The following ZNF783 variants were observed in gnomAD, a reference collection of about 807,000 sequenced individuals.
The protein encoded by ZNF783 is zinc finger protein 783.
Under a neutral mutation model 31.3 loss-of-function variants are expected in ZNF783, and 25 were observed. The observed-to-expected ratio is 0.80, with a 90% CI of 0.58 to 1.11. The LOEUF (loss-of-function observed/expected upper bound fraction) is 1.11, where lower values mean the gene tolerates loss of function less well. Ranked by LOEUF, ZNF783 falls within the 50% of genes most tolerant of loss-of-function variation. ZNF783 has a pLI of 0.00. For missense variants in ZNF783, 797 were observed against 760.0 expected (o/e 1.05, Z -0.57); for synonymous variants, 369 against 319.1 (o/e 1.16, Z -1.66).
rs1797537097 is a variant in ZNF783, at chr7:149,283,674, G to A, written c.*1331G>A. 1.3e-5 allele frequency: 2 copies of A among 152,228 alleles called. No individual in the cohort carries two copies. The highest frequency in any genetic ancestry group is 4.1e-4 in the South Asian group (2 of 4,832). 9.4% of individuals were successfully genotyped at this position (152,228 alleles called of 1,614,324 possible). A position where few individuals can be genotyped will look rare whatever the true frequency, so the allele number is the denominator to read the frequency against. Reference sequence around the variant, plus strand: ...TTCTCCCTTGAGCACTTTGGGCTCTGGGGCAGAGTTGGGCTAGGAGATCTG... The same window carrying A: ...TTCTCCCTTGAGCACTTTGGGCTCTAGGGCAGAGTTGGGCTAGGAGATCTG... On this transcript the variant is annotated 3_prime_UTR_variant, in exon 6 of 6. Transcript: ENST00000434415.
rs565407559 is a variant in ZNF783, at chr7:149,281,988, G to A, written c.1286G>A (p.Arg429Gln). The A allele has an allele frequency of 6.3e-6, 10 of 1,576,702 alleles. No homozygotes were observed. The African/African-American group carries it at 1.1e-4, about 17-fold the overall frequency. The change falls in exon 6 of 6, where the codon CGG becomes CAG. Residue 429 changes from arginine (R) to glutamine (Q), a missense_variant. Transcript: ENST00000434415. ...VAGGRALVGRRPAASKMYHCS... is the reference protein window; with the variant it reads ...VAGGRALVGRQPAASKMYHCS... The stretch of plus-strand genomic sequence containing the variant: ...GGGGGCCGTGCCTTGGTGGGGCGGC[G>A]GCCTGCAGCCAGCAAGATGTACCAC...
At chr7:149,281,393 C>G in intron 5 of ZNF783, 112 bp from the exon 6 acceptor site, 1 of 885,086 alleles carries the variant, frequency 1.1e-6, no homozygotes, top group Non-Finnish European at 1.6e-6. Flanking sequence ...GTGCTGTGAG[C>G]ACTGTGGGGA....
At chr7:149,269,047 AACTT>A (rs1387727029) in intron 4 of ZNF783, among the ~76,000 whole-genome samples, 2 of 152,212 alleles carry the variant, frequency 1.3e-5, no homozygotes, top group African/African-American at 4.8e-5. Flanking sequence ...TGGCTGAACT[AACTT>A]ACATTCCCAT....
In ZNF783 at chr7:149,278,607, A is replaced by G. The variant is rs968273377; in HGVS notation, c.802+80A>G. Reference sequence around the variant, plus strand: ...TCACCAAGCGATGGTGCTGAGGAAAAGCCCTGGAAGCATGGGGCTGGGAGA... The same window carrying G: ...TCACCAAGCGATGGTGCTGAGGAAAGGCCCTGGAAGCATGGGGCTGGGAGA... On this transcript the variant is annotated intron_variant, in intron 5 of 5. Transcript: ENST00000434415. 3.8e-6 allele frequency: 6 copies of G among 1,573,486 alleles called. No homozygotes were observed. The African/African-American group carries it at 8.1e-5, about 21-fold the overall frequency.
Position 149,266,335 on chromosome 7 carries a change from G to A in ZNF783, c.25G>A (p.Asp9Asn). Residue 9 changes from aspartate to asparagine, a missense_variant and splice_region_variant, in exon 2 of 6, where the codon GAC becomes AAC. Asp to Asn is a conservative substitution (Grantham distance 23, BLOSUM62 1). Transcript: ENST00000434415. The stretch of plus-strand genomic sequence containing the variant: ...CTCTCTTTTCTCTTCTTGTGAGCAG[G>A]ACCCCGAGACAGACAAGCACACAGA... The part of the protein sequence containing the change: MAEAAPAR[D>N]PETDKHTEDQ... 1 of 1,557,848 alleles carries A rather than the reference G, an allele frequency of 6.4e-7. No homozygotes were observed. Among genetic ancestry groups the A allele is most frequent in the South Asian group, 1.2e-5 (1 of 86,052 alleles).
chr7:149,264,663 A>G (rs1470528786), intron 1 of ZNF783, among the ~76,000 whole-genome samples: 5 of 152,100 alleles, frequency 3.3e-5, no homozygotes, highest in Admixed American at 3.3e-4. Flanking sequence ...TCACAAGGTC[A>G]GGAGTTTGAG....
chr7:149,279,210 G>T (rs1797402208), intron 5 of ZNF783, among the ~76,000 whole-genome samples: 1 of 152,196 alleles, frequency 6.6e-6, no homozygotes, highest in Non-Finnish European at 1.5e-5. Context: ...CCCTTCCCTG[G>T]GTTTCTCTTT....
Position 149,266,497 on chromosome 7 carries a change from C to A in ZNF783, c.187C>A (p.Arg63Ser). The change falls in exon 2 of 6, where the codon CGC (arginine) becomes AGC (serine). Residue 63 changes from arginine (R) to serine (S), a missense_variant. Transcript: ENST00000434415. The part of the protein sequence containing the change: ...LEKKVDSCLT[R>S]LLTLEGRTGT... The stretch of plus-strand genomic sequence containing the variant: ...GAAGAAGGTGGATTCCTGCCTGACC[C>A]GCTTGCTGACTCTGGAGGGGCGCAC... 6.2e-7 allele frequency: 1 copy of A among 1,613,626 alleles called. No homozygotes were observed. The highest frequency in any genetic ancestry group is 8.5e-7 in the Non-Finnish European group (1 of 1,180,014).
chr7:149,263,327 T>A (rs868489384), intron 1 of ZNF783, among the ~76,000 whole-genome samples: 1 of 147,248 alleles, frequency 6.8e-6, no homozygotes, highest in South Asian at 2.1e-4. Context: ...TATATATATT[T>A]TTTTTTTAGA....
At chr7:149,266,780 G>C in intron 2 of ZNF783, 39 bp from the exon 3 acceptor site, 5 of 1,613,860 alleles carry the variant, frequency 3.1e-6, no homozygotes, top group Non-Finnish European at 4.2e-6. Context: ...CTGAGCCTGT[G>C]AGCGTGTGGG....
intron 1 of ZNF783, among the ~76,000 whole-genome samples, chr7:149,264,980 G>T (rs1025997312): frequency 2.0e-5 from 3 of 151,698 alleles, no homozygotes; most frequent in Non-Finnish European, 4.4e-5. Flanking sequence ...AAGGCTGGAA[G>T]TGGGGGAGAA....
chr7:149,271,303 A>G (rs549807488), intron 4 of ZNF783, among the ~76,000 whole-genome samples: 10 of 152,184 alleles, frequency 6.6e-5, no homozygotes, highest in Non-Finnish European at 1.3e-4. Context: ...TCTCAACGAA[A>G]TTTGCATAAT....
chr7:149,278,609 C>T (rs1797388851), intron 5 of ZNF783, 82 bp downstream of exon 5: 4 of 1,573,044 alleles, frequency 2.5e-6, no homozygotes, highest in Non-Finnish European at 3.4e-6. Flanking sequence ...TGAGGAAAAG[C>T]CCTGGAAGCA....
intron 1 of ZNF783, 36 bp downstream of exon 1, chr7:149,262,393 C>T (rs1388500713): frequency 1.6e-6 from 2 of 1,223,992 alleles, no homozygotes; most frequent in Non-Finnish European, 2.0e-6. Flanking sequence ...CCCGGAAGGC[C>T]CAGGCCGCCG....
At chr7:149,279,791 T>TCA (rs1234826444) in intron 5 of ZNF783, among the ~76,000 whole-genome samples, 2 of 151,226 alleles carry the variant, frequency 1.3e-5, no homozygotes, top group Non-Finnish European at 3.0e-5. Flanking sequence ...GGGGGTAAGG[T>TCA]CACCGATCAA....
At position 149,266,436 on chromosome 7, in the gene ZNF783, A is replaced by G; in HGVS notation, c.126A>G (p.Thr42=). 1 of 1,604,954 alleles carries G rather than the reference A, an allele frequency of 6.2e-7. No homozygotes were observed. Among genetic ancestry groups the G allele is most frequent in the Non-Finnish European group, 8.5e-7 (1 of 1,179,894 alleles). The change falls in exon 2 of 6, where the codon ACA becomes ACG. Residue 42 remains threonine (T), a synonymous_variant. Transcript: ENST00000434415. ...CGTACCTCTACTCCACGGAAATCAC[A>G]CTGTGGACGGTGGTGGCCGCCATTC... ...KNSYLYSTEI[T]LWTVVAAIQA...
intron 4 of ZNF783, among the ~76,000 whole-genome samples, chr7:149,267,653 C>T (rs56414302): frequency 0.23 from 34,300 of 151,890 alleles, 4,245 homozygotes; most frequent in East Asian, 0.46. Flanking sequence ...AAAAATTAGC[C>T]GGGCGTGGTG....
intron 1 of ZNF783, among the ~76,000 whole-genome samples, chr7:149,264,271 T>C (rs983840041): frequency 2.6e-5 from 4 of 152,210 alleles, no homozygotes; most frequent in African/African-American, 9.6e-5. Context: ...AGATTACTAG[T>C]GCTAAGGGGG....
chr7:149,266,688 G>T lies in ZNF783; in HGVS notation c.378G>T (p.Trp126Cys), dbSNP rs753716970. The T allele has an allele frequency of 3.9e-5, 63 of 1,614,002 alleles. No individual in the cohort carries two copies. Among genetic ancestry groups the T allele is most frequent in the Middle Eastern group, 3.3e-4 (2 of 6,082 alleles). ...VENLLRNRNF[W>C]ILRLPPGSKG... Reference sequence around the variant, plus strand: ...ACTTGCTGCGCAACAGGAACTTCTGGATCTTGCGGCTGCCCCCGGGCAGCA... The same window carrying T: ...ACTTGCTGCGCAACAGGAACTTCTGTATCTTGCGGCTGCCCCCGGGCAGCA... The change falls in exon 2 of 6, where the codon TGG becomes TGT. Residue 126 changes from tryptophan to cysteine, a missense_variant. By Grantham distance (215) the Trp-to-Cys change is radical. Transcript: ENST00000434415.
Sources: gnomAD v4.1 joint callset for allele counts (sites outside exome capture counted in the v4.1 genomes callset) on GRCh38, gnomAD v4.1.1 for gene constraint, MANE v1.5 for transcripts, NCBI Gene and HGNC (gene_info 2026-07-23, HGNC 2026-07-21) for gene names.